The following GALNT14 variants were observed in gnomAD, a reference collection of about 807,000 sequenced individuals.
The protein encoded by GALNT14 is polypeptide N-acetylgalactosaminyltransferase 14, also known as UDP-GalNAc:polypeptide N-acetylgalactosaminyltransferase 14.
GALNT14 carries 60 observed loss-of-function variants against 77.5 expected under a neutral mutation model. That is an observed-to-expected ratio of 0.77 (90% CI 0.63 to 0.96). GALNT14 has a LOEUF of 0.96. GALNT14 is among the 40% of genes least tolerant of loss of function. The pLI is 0.00. For missense variants in GALNT14, 710 were observed against 731.0 expected, an observed-to-expected ratio of 0.97 and a Z score of 0.33; for synonymous variants, 280 against 281.7, an observed-to-expected ratio of 0.99 and a Z score of 0.06.
At chr2:30,996,726 C>G (rs1030413706) in intron 1 of GALNT14, among the ~76,000 whole-genome samples, 9 of 152,172 alleles carry the variant, frequency 5.9e-5, no homozygotes, top group Admixed American at 5.9e-4. Context: ...AATTCTGTCC[C>G]CCAGCAAGCC....
intron 9 of GALNT14, among the ~76,000 whole-genome samples, chr2:30,933,469 C>CCCAG (rs1665869455): frequency 2.6e-5 from 4 of 152,120 alleles, no homozygotes; most frequent in Non-Finnish European, 5.9e-5. Context: ...TTCCCCTGTC[C>CCCAG]CCAGCCACCT....
At chr2:30,898,017 CAT>C in the GALNT14 span, among the ~76,000 whole-genome samples, 1 of 152,190 alleles carries the variant, frequency 6.6e-6, no homozygotes, top group Non-Finnish European at 1.5e-5. Context: ...CCCTCAAACT[CAT>C]ATGTTAAAAT....
intron 1 of GALNT14, among the ~76,000 whole-genome samples, chr2:31,066,643 G>A (rs1285045740): frequency 6.6e-6 from 1 of 152,004 alleles, no homozygotes; most frequent in Admixed American, 6.5e-5. Flanking sequence ...AAACCTGACT[G>A]CAAATATTGG....
chr2:31,112,996 A>G (rs1291033639), intron 1 of GALNT14, among the ~76,000 whole-genome samples: 1 of 152,216 alleles, frequency 6.6e-6, no homozygotes, highest in South Asian at 2.1e-4. Context: ...ACACTTCCCA[A>G]TGAATAAAAT....
intron 1 of GALNT14, among the ~76,000 whole-genome samples, chr2:31,018,525 G>A (rs1004647631): frequency 2.6e-5 from 4 of 152,104 alleles, no homozygotes; most frequent in South Asian, 2.1e-4. Flanking sequence ...CATGAACACC[G>A]CCCCCGTGAT....
intron 1 of GALNT14, among the ~76,000 whole-genome samples, chr2:31,019,440 G>T (rs1671582651): frequency 6.6e-6 from 1 of 152,052 alleles, no homozygotes. Context: ...ATTTTGAGGG[G>T]ACTTGGGCTC....
At chr2:31,024,115 T>G (rs1671900757) in intron 1 of GALNT14, among the ~76,000 whole-genome samples, 1 of 151,810 alleles carries the variant, frequency 6.6e-6, no homozygotes, top group African/African-American at 2.4e-5. Flanking sequence ...CACCCTTGAC[T>G]CCTCTATCTC....
intron 3 of GALNT14, among the ~76,000 whole-genome samples, chr2:30,963,838 G>C (rs953216395): frequency 2.6e-5 from 4 of 152,272 alleles, no homozygotes; most frequent in Admixed American, 2.6e-4. Context: ...TTCCATGCCA[G>C]GCACTGTTCT....
intron 1 of GALNT14, among the ~76,000 whole-genome samples, chr2:31,100,354 C>G (rs747462160): frequency 5.3e-5 from 8 of 151,976 alleles, no homozygotes; most frequent in Non-Finnish European, 1.2e-4. Context: ...TGAGGACTTA[C>G]TGTATTCTGT....
chr2:31,020,842 G>C (rs1002475511), intron 1 of GALNT14, among the ~76,000 whole-genome samples: 1 of 152,202 alleles, frequency 6.6e-6, no homozygotes, highest in Non-Finnish European at 1.5e-5. Flanking sequence ...GCTCTGAAGG[G>C]AGTATGGTGT....
intron 1 of GALNT14, among the ~76,000 whole-genome samples, chr2:31,057,663 G>C (rs1674319839): frequency 6.6e-6 from 1 of 152,000 alleles, no homozygotes; most frequent in Non-Finnish European, 1.5e-5. Flanking sequence ...TCTGAAAGTG[G>C]ATAACACTAA....
chr2:30,939,576 G>A (rs887321445), intron 9 of GALNT14, among the ~76,000 whole-genome samples: 1 of 152,116 alleles, frequency 6.6e-6, no homozygotes, highest in African/African-American at 2.4e-5. Context: ...AGGCCCGGAA[G>A]GGGTGGGGAG....
intron 1 of GALNT14, among the ~76,000 whole-genome samples, chr2:31,133,506 A>G (rs576227184): frequency 6.6e-6 from 1 of 152,364 alleles, no homozygotes; most frequent in African/African-American, 2.4e-5. Flanking sequence ...GCACCAATAC[A>G]CTTACATGGG....
intron 2 of GALNT14, among the ~76,000 whole-genome samples, chr2:30,984,807 AGCCTAAT>A (rs1669194657): frequency 6.6e-6 from 1 of 152,180 alleles, no homozygotes; most frequent in African/African-American, 2.4e-5. Context: ...TTCACAGGCC[AGCCTAAT>A]GCTATTTTGT....
At chr2:30,985,890 G>A (rs556888184) in intron 2 of GALNT14, among the ~76,000 whole-genome samples, 2 of 152,154 alleles carry the variant, frequency 1.3e-5, no homozygotes, top group African/African-American at 2.4e-5. Flanking sequence ...TGACTCTGAG[G>A]GAATATGAAC....
chr2:31,079,175 T>A (rs1472151234), intron 1 of GALNT14: 4 of 649,384 alleles, frequency 6.2e-6, no homozygotes, highest in Non-Finnish European at 8.7e-6. Flanking sequence ...AGGCTCCACA[T>A]CAGTGTGGAA....
intron 1 of GALNT14, among the ~76,000 whole-genome samples, chr2:31,052,465 C>T (rs1044821674): frequency 3.9e-5 from 6 of 152,200 alleles, no homozygotes; most frequent in East Asian, 3.9e-4. Context: ...CACCCGCACT[C>T]AGGACACTTT....
At chr2:30,920,437 C>G (rs1664959003) in intron 13 of GALNT14, among the ~76,000 whole-genome samples, 1 of 152,008 alleles carries the variant, frequency 6.6e-6, no homozygotes, top group Admixed American at 6.6e-5. Flanking sequence ...GGCCAAGAGG[C>G]AGGACAAGTA....
At chr2:31,096,827 C>T (rs1677025128) in intron 1 of GALNT14, among the ~76,000 whole-genome samples, 1 of 152,140 alleles carries the variant, frequency 6.6e-6, no homozygotes, top group Admixed American at 6.6e-5. Context: ...CCACCACCAC[C>T]ATCCAACCAC....
Sources: gnomAD v4.1 joint callset for allele counts (sites outside exome capture counted in the v4.1 genomes callset) on GRCh38, gnomAD v4.1.1 for gene constraint, MANE v1.5 for transcripts, NCBI Gene and HGNC (gene_info 2026-07-23, HGNC 2026-07-21) for gene names.